The following TCHP variants were observed in gnomAD, a reference collection of about 807,000 sequenced individuals.
The protein encoded by TCHP is trichoplein keratin filament-binding protein.
TCHP carries 81 observed loss-of-function variants against 88.7 expected under a neutral mutation model. That is an observed-to-expected ratio of 0.91 (90% CI 0.76 to 1.10). The LOEUF (loss-of-function observed/expected upper bound fraction) is 1.10. Among genes scored for constraint, TCHP ranks in the 50% least tolerant of loss-of-function variants. The pLI is 0.00. For missense variants in TCHP, 641 were observed against 632.1 expected, an observed-to-expected ratio of 1.01 and a Z score of -0.15; for synonymous variants, 232 against 232.5, an observed-to-expected ratio of 1.00 and a Z score of 0.02.
chr12:109,889,966 A>G, the TCHP span, among the ~76,000 whole-genome samples: 21 of 152,142 alleles, frequency 1.4e-4, no homozygotes, highest in Non-Finnish European at 2.4e-4. Context: ...GCGAAGGCGC[A>G]CCCGCCAACA....
chr12:109,896,941 GATAT>G (rs1869576158), upstream of TCHP, among the ~76,000 whole-genome samples: 2 of 152,020 alleles, frequency 1.3e-5, no homozygotes, highest in African/African-American at 4.8e-5. Context: ...GATAGATATA[GATAT>G]ATAGATAGAT....
chr12:109,916,810 TC>T lies in TCHP; in HGVS notation c.*190del, dbSNP rs1341615003. 1 of 605,220 alleles carries T rather than the reference TC, an allele frequency of 1.7e-6. No individual in the cohort carries two copies. Among genetic ancestry groups the T allele is most frequent in the East Asian group, 2.8e-5 (1 of 36,006 alleles). 37.5% of individuals were successfully genotyped at this position (605,220 alleles called of 1,614,324 possible). On this transcript the variant is annotated 3_prime_UTR_variant, in exon 13 of 13. Transcript: ENST00000405876. ...GCCAGACATTAAGGTGTCGTGAGAG[TC>T]CCTTTCATGCCTTTCTTACCCAAGC...
At chr12:109,912,549 G>C (rs1870566585) in intron 9 of TCHP, among the ~76,000 whole-genome samples, 1 of 152,154 alleles carries the variant, frequency 6.6e-6, no homozygotes, top group Non-Finnish European at 1.5e-5. Flanking sequence ...CCAGCACTTT[G>C]GGAGGCCAAA....
intron 10 of TCHP, 168 bp from the exon 11 acceptor site, chr12:109,914,274 G>A (rs1870668206): frequency 7.0e-6 from 4 of 575,442 alleles, no homozygotes; most frequent in African/African-American, 3.8e-5. Context: ...AAGCGTGGCC[G>A]ACATCGTGAG....
At chr12:109,901,552 A>G (rs1163854171) in intron 1 of TCHP, among the ~76,000 whole-genome samples, 1 of 152,220 alleles carries the variant, frequency 6.6e-6, no homozygotes, top group Non-Finnish European at 1.5e-5. Context: ...GAAACAAGCA[A>G]TGTACGAAGT....
At position 109,904,077 on chromosome 12, in the gene TCHP, A is replaced by T. The variant is rs760472006; in HGVS notation, c.329A>T (p.Asn110Ile). Reference sequence around the variant, plus strand: ...CTGGAGGAGCTGAGGCTGAGCATGAACTTGCAGGAAAGAAGAATCCGGGAG... The same window carrying T: ...CTGGAGGAGCTGAGGCTGAGCATGATCTTGCAGGAAAGAAGAATCCGGGAG... ...RELEELRLSM[N>I]LQERRIREQH... The change falls in exon 3 of 13, where the codon AAC becomes ATC. Residue 110 changes from asparagine (N) to isoleucine (I), a missense_variant. By Grantham distance (149) the Asn-to-Ile change is moderately radical. Coordinates refer to ENST00000405876, the MANE Select transcript of TCHP (RefSeq NM_001143852.2). 4.4e-6 allele frequency: 7 copies of T among 1,600,806 alleles called. No homozygotes were observed. The South Asian group carries it at 7.9e-5, about 18-fold the overall frequency.
Position 109,915,706 on chromosome 12 carries a change from G to A in TCHP, c.1464+160G>A, listed in dbSNP as rs142801446. Among the ~76,000 whole-genome samples the A allele has an allele frequency of 6.8e-3, 1,036 of 152,332 alleles. 1 individual carries two copies. The highest frequency in any genetic ancestry group is 9.4e-3 in the Non-Finnish European group (641 of 68,018). The stretch of plus-strand genomic sequence containing the variant: ...CTTGTATTTCTCTCTTCCCTGACCA[G>A]CAGGGAGCCCTGACACAGGGGCTGT... On this transcript the variant is annotated intron_variant, in intron 12 of 12. Coordinates refer to ENST00000405876, the MANE Select transcript of TCHP (RefSeq NM_001143852.2).
upstream of TCHP, among the ~76,000 whole-genome samples, chr12:109,895,923 C>A (rs577980796): frequency 4.6e-5 from 7 of 152,216 alleles, no homozygotes; most frequent in Middle Eastern, 3.4e-3. Flanking sequence ...TTTCATATTG[C>A]CAAATTCTTT....
At chr12:109,906,506 C>A in intron 4 of TCHP, 66 bp from the exon 5 acceptor site, 1 of 1,506,248 alleles carries the variant, frequency 6.6e-7, no homozygotes, top group Non-Finnish European at 9.2e-7. Flanking sequence ...AGGGCAGGAG[C>A]ACACTGTCCC....
At chr12:109,904,184 G>C (rs919643544) in intron 3 of TCHP, 37 bp downstream of exon 3, 2 of 1,534,848 alleles carry the variant, frequency 1.3e-6, no homozygotes, top group Admixed American at 2.0e-5. Flanking sequence ...CTGTGGAGCA[G>C]GAGTGTTCCC....
chr12:109,906,875 A>G (rs552627312), intron 5 of TCHP, among the ~76,000 whole-genome samples: 1 of 152,234 alleles, frequency 6.6e-6, no homozygotes, highest in South Asian at 2.1e-4. Flanking sequence ...GGGAGGTGGC[A>G]CATACAGCAC....
chr12:109,916,515 A>G, intron 12 of TCHP, 76 bp from the exon 13 acceptor site: 1 of 1,426,942 alleles, frequency 7.0e-7, no homozygotes, highest in Middle Eastern at 1.8e-4. Flanking sequence ...TTTAGCTTGT[A>G]GTTAAAACAA....
rs1869895681 is a variant in TCHP, at chr12:109,903,050, C to T, written c.24C>T (p.Ser8=). The T allele has an allele frequency of 1.2e-6, 2 of 1,611,106 alleles. No individual in the cohort carries two copies. Among genetic ancestry groups the T allele is most frequent in the Admixed American group, 1.7e-5 (1 of 59,748 alleles). MALPTLP[S]YWCSQQRLNQ... is the part of the protein sequence containing the mutation. ...AGATGGCGCTCCCGACGCTGCCGTC[C>T]TACTGGTGCAGCCAGCAGCGCCTGA... Residue 8 remains serine, a synonymous_variant, in exon 2 of 13, where the codon TCC becomes TCT. Transcript: ENST00000405876. This position sits in a 1 kb window ranked among gnomAD's most constrained non-coding sequence, Gnocchi z 4.6.
At chr12:109,915,288 T>C in intron 11 of TCHP, 115 bp from the exon 12 acceptor site, 1 of 1,448,282 alleles carries the variant, frequency 6.9e-7, no homozygotes, top group East Asian at 2.3e-5. Context: ...GCATTGCTGT[T>C]GCTCAGCTGG....
Position 109,912,975 on chromosome 12 carries a change from T to C in TCHP, c.1053-16T>C. ...GCGGGGAGGAGCCTGCTGTCATCCC[T>C]TTTGTGTTTGCCCAGGGAGGAGGCC... On this transcript the variant is annotated splice_polypyrimidine_tract_variant and intron_variant, in intron 9 of 12. Coordinates refer to ENST00000405876, the MANE Select transcript of TCHP (RefSeq NM_001143852.2). 1 of 1,612,606 alleles carries C rather than the reference T, an allele frequency of 6.2e-7. No homozygotes were observed. The highest frequency in any genetic ancestry group is 8.5e-7 in the Non-Finnish European group (1 of 1,178,966).
At chr12:109,913,310 G>A in intron 10 of TCHP, among the ~76,000 whole-genome samples, 1 of 152,358 alleles carries the variant, frequency 6.6e-6, no homozygotes, top group South Asian at 2.1e-4. Flanking sequence ...CGTAGCTGCT[G>A]CTTCTGTCTG....
At chr12:109,892,688 G>C in the TCHP span, among the ~76,000 whole-genome samples, 1 of 152,142 alleles carries the variant, frequency 6.6e-6, no homozygotes, top group South Asian at 2.1e-4. Flanking sequence ...CCCCATACCT[G>C]ACACCCCAGC....
At chr12:109,906,126 C>T (rs1870111407) in intron 4 of TCHP, among the ~76,000 whole-genome samples, 1 of 152,232 alleles carries the variant, frequency 6.6e-6, no homozygotes, top group Non-Finnish European at 1.5e-5. Context: ...CCTACTGGTG[C>T]ATCACTTGAT....
In TCHP at chr12:109,916,674, C is replaced by T. The variant is rs1380059006; in HGVS notation, c.*51C>T. 2 of 1,590,038 alleles carry T rather than the reference C, an allele frequency of 1.3e-6. No individual in the cohort carries two copies. The highest frequency in any genetic ancestry group is 2.2e-5 in the East Asian group (1 of 44,664). ...AACAAGGGATGCTGAGGCTTCTGAT[C>T]CCAGCCGCCAGGCAGTTTTACAGGG... On this transcript the variant is annotated 3_prime_UTR_variant, in exon 13 of 13. Transcript: ENST00000405876.
Sources: allele counts gnomAD v4.1 joint callset (sites outside exome capture counted in the v4.1 genomes callset), GRCh38; gene constraint gnomAD v4.1.1; non-coding constraint Gnocchi (gnomAD v3.1); transcripts MANE v1.5; gene names NCBI Gene and HGNC (gene_info 2026-07-23, HGNC 2026-07-21).